BMX: variants seen among roughly 807,000 people sequenced by gnomAD.
BMX encodes the protein cytoplasmic tyrosine-protein kinase BMX.
A neutral mutation model predicts 59.2 loss-of-function variants in BMX; 31 were observed. The observed-to-expected ratio is 0.52, with a 90% CI of 0.39 to 0.71. The LOEUF is 0.71. Among genes scored for constraint, BMX ranks in the 30% least tolerant of loss-of-function variants. The pLI is 0.00. For missense variants in BMX, 474 were observed against 491.7 expected (o/e 0.96, Z 0.34); for synonymous variants, 185 against 181.0 (o/e 1.02, Z -0.18).
intron 14 of BMX, among the ~76,000 whole-genome samples, chrX:15,538,660 A>G (rs944917883): frequency 8.0e-5 from 9 of 112,012 alleles, no homozygotes; most frequent in Non-Finnish European, 1.7e-4. Context: ...AGAAATGTTG[A>G]ATAACTTGTC....
intron 4 of BMX, among the ~76,000 whole-genome samples, chrX:15,514,659 G>A (rs12836123): frequency 8.9e-6 from 1 of 111,950 alleles, no homozygotes; most frequent in African/African-American, 3.2e-5. Context: ...TTTCAAAAGA[G>A]GCTAATTTGT....
chrX:15,516,917 T>A (rs1924185270), intron 5 of BMX, among the ~76,000 whole-genome samples: 1 of 111,365 alleles, frequency 9.0e-6, no homozygotes, highest in Admixed American at 9.5e-5. Flanking sequence ...ATAAAGTTGT[T>A]GATAAATACA....
intron 17 of BMX, among the ~76,000 whole-genome samples, chrX:15,549,215 A>G (rs1926081685): frequency 9.0e-6 from 1 of 111,265 alleles, no homozygotes. Flanking sequence ...GAACATCCTG[A>G]AACTGAACAC....
At chrX:15,550,305 A>C (rs754775732) in intron 18 of BMX, among the ~76,000 whole-genome samples, 12 of 111,594 alleles carry the variant, frequency 1.1e-4, no homozygotes, top group Non-Finnish European at 1.9e-4. Flanking sequence ...AGGACTCAGA[A>C]AGGTTAAGTG....
chrX:15,507,171 C>T (rs1209067202), intron 1 of BMX: 6 of 142,677 alleles, frequency 4.2e-5, no homozygotes, highest in Admixed American at 1.9e-4. Context: ...GAGAAGTGCC[C>T]TCTAGTGATT....
At chrX:15,520,113 G>T (rs775665457) in intron 6 of BMX, among the ~76,000 whole-genome samples, 2 of 112,344 alleles carry the variant, frequency 1.8e-5, no homozygotes, top group African/African-American at 6.5e-5. Context: ...TGTTGATTTT[G>T]ACTTCTAGCC....
chrX:15,543,069 A>G lies in BMX; in HGVS notation c.1612-2A>G. The G allele has an allele frequency of 8.3e-7, 1 of 1,207,894 alleles. No homozygotes were observed. The highest frequency in any genetic ancestry group is 1.1e-6 in the Non-Finnish European group (1 of 893,092). The stretch of plus-strand genomic sequence containing the variant: ...CTTGGTGATTTTGTTTTTCCTTTAA[A>G]GGCTGCTCGTAACTGCTTGGTGGAC... On this transcript the variant is annotated splice_acceptor_variant, in intron 15 of 18. Transcript: ENST00000348343. LOFTEE classifies it high-confidence loss of function.
At position 15,508,370 on chromosome X, in the gene BMX, T is replaced by G; in HGVS notation, c.17T>G (p.Ile6Ser). 1 of 1,135,820 alleles carries G rather than the reference T, an allele frequency of 8.8e-7. No homozygotes were observed. The highest frequency in any genetic ancestry group is 1.2e-6 in the Non-Finnish European group (1 of 840,906). 93.6% of individuals were successfully genotyped at this position (1,135,820 alleles called of 1,213,427 possible). A position where few individuals can be genotyped will look rare whatever the true frequency, so the allele number is the denominator to read the frequency against. MDTKSILEELLLKRSQ... is the reference protein window; with the variant it reads MDTKSSLEELLLKRSQ... ...GATGATAATATGGATACAAAATCTA[T>G]TCTAGAAGAACTTCTTCTCAAAAGA... The change falls in exon 2 of 19, where the codon ATT (isoleucine) becomes AGT (serine). Residue 6 changes from isoleucine (I) to serine (S), a missense_variant. Ile to Ser is a moderately radical substitution (Grantham distance 142). Transcript: ENST00000348343.
chrX:15,543,090 T>C lies in BMX; in HGVS notation c.1631T>C (p.Val544Ala), dbSNP rs1473294151. Residue 544 changes from valine to alanine, a missense_variant, in exon 16 of 19, where the codon GTG becomes GCG. Physicochemically the swap from Val to Ala is moderately conservative, Grantham distance 64. Transcript: ENST00000348343. ...TTAAAGGCTGCTCGTAACTGCTTGGTGGACAGAGATCTCTGTGTGAAAGTA... is the reference window on the plus strand; with the variant it reads ...TTAAAGGCTGCTCGTAACTGCTTGGCGGACAGAGATCTCTGTGTGAAAGTA... ...HRDLAARNCL[V>A]DRDLCVKVSD... 8.3e-7 allele frequency: 1 copy of C among 1,209,156 alleles called. No individual in the cohort carries two copies.
At chrX:15,537,504 C>G (rs878909248) in intron 14 of BMX, among the ~76,000 whole-genome samples, 199 bp downstream of exon 14, 1 of 111,555 alleles carries the variant, frequency 9.0e-6, no homozygotes, top group Admixed American at 9.5e-5. Flanking sequence ...ACAAATATAC[C>G]TTCATAACAA....
chrX:15,511,522 ATTC>A lies in BMX; in HGVS notation c.325+5_325+7del. ...TGGTTGAAAGCATTACAAAAAGGTA[ATTC>A]AAAAAAAGAAATGTTGAAAGAGAAA... On this transcript the variant is annotated splice_donor_5th_base_variant and intron_variant, in intron 4 of 18. Coordinates refer to ENST00000348343, the MANE Select transcript of BMX (RefSeq NM_203281.3). 1 of 1,194,409 alleles carries A rather than the reference ATTC, an allele frequency of 8.4e-7. No individual in the cohort carries two copies. The highest frequency in any genetic ancestry group is 2.2e-5 in the Admixed American group (1 of 44,789).
At chrX:15,536,458 C>A (rs769227449) in intron 13 of BMX, 31 bp downstream of exon 13, 76 of 1,053,351 alleles carry the variant, frequency 7.2e-5, no homozygotes, top group Non-Finnish European at 9.7e-5. Context: ...TCTTAAACTC[C>A]ATTTTCCATC....
intron 13 of BMX, 70 bp downstream of exon 13, chrX:15,536,497 ACTGGC>A (rs1422803178): frequency 1.2e-6 from 1 of 809,799 alleles, no homozygotes; most frequent in African/African-American, 3.8e-5. Flanking sequence ...TGGTTAATTT[ACTGGC>A]AAAAAAAAAA....
chrX:15,547,498 A>C (rs775201139), intron 17 of BMX, among the ~76,000 whole-genome samples: 8 of 112,021 alleles, frequency 7.1e-5, no homozygotes, highest in African/African-American at 2.6e-4. Flanking sequence ...TCTCTGTTAA[A>C]ATTTATATTT....
chrX:15,519,539 C>A (rs969565303), intron 6 of BMX, among the ~76,000 whole-genome samples: 2 of 111,373 alleles, frequency 1.8e-5, no homozygotes, highest in African/African-American at 6.5e-5. Flanking sequence ...AGGAGAAGGC[C>A]ATGTGAAGAC....
intron 7 of BMX, among the ~76,000 whole-genome samples, chrX:15,524,168 C>T (rs1402833071): frequency 1.8e-5 from 2 of 112,067 alleles, no homozygotes; most frequent in African/African-American, 6.5e-5. Context: ...ATTCCATTTA[C>T]ATTCCCCTAA....
At chrX:15,526,182 G>C (rs1924715372) in intron 9 of BMX, 87 bp downstream of exon 9, 3 of 861,399 alleles carry the variant, frequency 3.5e-6, no homozygotes, top group Non-Finnish European at 4.9e-6. Context: ...ACAGATGGCT[G>C]AGACCGTCTC....
intron 15 of BMX, among the ~76,000 whole-genome samples, chrX:15,542,626 T>C (rs1925749991): frequency 9.0e-6 from 1 of 111,106 alleles, no homozygotes; most frequent in Admixed American, 9.5e-5. Context: ...GGGAATGCTG[T>C]GTTTGGTATT....
At chrX:15,518,605 T>G (rs1257036140) in intron 6 of BMX, among the ~76,000 whole-genome samples, 1 of 111,700 alleles carries the variant, frequency 9.0e-6, no homozygotes, top group Non-Finnish European at 1.9e-5. Flanking sequence ...ATCACATGAC[T>G]GCAAACATCA....
Sources: allele counts gnomAD v4.1 joint callset (sites outside exome capture counted in the v4.1 genomes callset), GRCh38; gene constraint gnomAD v4.1.1; transcripts MANE v1.5; gene names NCBI Gene and HGNC (gene_info 2026-07-23, HGNC 2026-07-21).